Variants in IL17RD observed in about 807,000 individuals in gnomAD.
IL17RD encodes the protein interleukin-17 receptor D.
IL17RD carries 52 observed loss-of-function variants against 80.5 expected under a neutral mutation model. The observed-to-expected ratio is 0.65, with a 90% CI of 0.52 to 0.81. The LOEUF (loss-of-function observed/expected upper bound fraction) is 0.81, where lower values mean the gene tolerates loss of function less well. IL17RD is among the 40% of genes least tolerant of loss of function. The pLI, the probability that IL17RD is intolerant of heterozygous loss-of-function variation, is 0.00. For synonymous variants in IL17RD, 416 were observed against 391.8 expected (o/e 1.06, Z -0.73); for missense variants, 1,024 against 955.1 (o/e 1.07, Z -0.95).
chr3:57,098,135 TG>T lies in IL17RD; in HGVS notation c.1567del (p.Gln523SerfsTer66). The T allele has an allele frequency of 6.2e-7, 1 of 1,613,870 alleles. No homozygotes were observed. Among genetic ancestry groups the T allele is most frequent in the East Asian group, 2.2e-5 (1 of 44,866 alleles). Reference protein sequence around the residue: ...SRDHGLQEPGQHTRQGSRRNY... With the variant: ...SRDHGLQEPGXHTRQGSRRNY... ...CCTTCTGCTGCCCTGTCGCGTGTGC[TG>T]CCCCGGCTCCTGGAGGCCGTGGTCT... On this transcript the variant is annotated frameshift_variant, in exon 12 of 13. Coordinates refer to ENST00000296318, the MANE Select transcript of IL17RD (RefSeq NM_017563.5). LOFTEE classifies it high-confidence loss of function.
chr3:57,122,218 C>T (rs1707356235), intron 1 of IL17RD, among the ~76,000 whole-genome samples: 1 of 152,172 alleles, frequency 6.6e-6, no homozygotes, highest in Non-Finnish European at 1.5e-5. Context: ...ATTCCAGAAG[C>T]TTAACAAGGA....
chr3:57,141,201 C>T (rs936274455), intron 1 of IL17RD, among the ~76,000 whole-genome samples: 4 of 152,140 alleles, frequency 2.6e-5, no homozygotes, highest in East Asian at 1.9e-4. Flanking sequence ...AGCACCCAGC[C>T]GACCCTCATA....
At chr3:57,126,828 A>T (rs1204424005) in intron 1 of IL17RD, among the ~76,000 whole-genome samples, 1 of 152,014 alleles carries the variant, frequency 6.6e-6, no homozygotes, top group Admixed American at 6.6e-5. Context: ...AAGAATTGAG[A>T]AGACTTTTTT....
chr3:57,143,247 A>G (rs970419378), intron 1 of IL17RD, among the ~76,000 whole-genome samples: 2 of 152,216 alleles, frequency 1.3e-5, no homozygotes, highest in Non-Finnish European at 2.9e-5. Flanking sequence ...ACCTTACACC[A>G]GGATGGAGGC....
At position 57,096,522 on chromosome 3, in the gene IL17RD, G is replaced by C; in HGVS notation, c.2108-17C>G. 6.6e-7 allele frequency: 1 copy of C among 1,513,932 alleles called. No homozygotes were observed. Among genetic ancestry groups the C allele is most frequent in the Non-Finnish European group, 9.2e-7 (1 of 1,088,614 alleles). The allele number at this position is 1,513,932 out of a possible 1,614,324, so 93.8% of individuals were successfully genotyped here. A position where few individuals can be genotyped will look rare whatever the true frequency, so the allele number is the denominator to read the frequency against. On this transcript the variant is annotated splice_polypyrimidine_tract_variant and intron_variant, in intron 12 of 12. Coordinates refer to ENST00000296318, the MANE Select transcript of IL17RD (RefSeq NM_017563.5). Reference sequence around the variant, plus strand: ...CCTCCTCACCTAAGGAGAGAAGAGAGTACAGAGTCACACTGTCATTGCATT... The same window carrying C: ...CCTCCTCACCTAAGGAGAGAAGAGACTACAGAGTCACACTGTCATTGCATT...
chr3:57,098,459 G>C lies in IL17RD; in HGVS notation c.1244C>G (p.Ser415Cys). The change falls in exon 12 of 13, where the codon TCC (serine) becomes TGC (cysteine). Residue 415 changes from serine (S) to cysteine (C), a missense_variant. Physicochemically the swap from Ser to Cys is moderately radical, Grantham distance 112. Transcript: ENST00000296318. ...GGAACAAACCACAATGATGAACTGG[G>C]ACTCGTGGATCTTCTGGATGACCCA... ...REWVIQKIHESQFIIVVCSKG... is the reference protein window; with the variant it reads ...REWVIQKIHECQFIIVVCSKG... 6.2e-7 allele frequency: 1 copy of C among 1,613,966 alleles called. No homozygotes were observed. Among genetic ancestry groups the C allele is most frequent in the Non-Finnish European group, 8.5e-7 (1 of 1,179,878 alleles).
intron 1 of IL17RD, chr3:57,134,623 G>A: frequency 1.2e-6 from 1 of 856,806 alleles, no homozygotes; most frequent in Non-Finnish European, 2.0e-6. Context: ...AAGGCCCGCA[G>A]GTCTAAGACC....
chr3:57,104,153 A>C (rs1467449398), intron 8 of IL17RD, among the ~76,000 whole-genome samples, 189 bp downstream of exon 8: 1 of 151,854 alleles, frequency 6.6e-6, no homozygotes, highest in Non-Finnish European at 1.5e-5. Flanking sequence ...TATTTGTTTG[A>C]AATATTTAAT....
chr3:57,115,106 C>G (rs1707187700), intron 2 of IL17RD, among the ~76,000 whole-genome samples: 1 of 152,080 alleles, frequency 6.6e-6, no homozygotes, highest in Non-Finnish European at 1.5e-5. Flanking sequence ...TGTGTGTGTA[C>G]CTGGCATTAA....
intron 1 of IL17RD, among the ~76,000 whole-genome samples, chr3:57,150,785 T>A (rs1367458754): frequency 6.6e-6 from 1 of 152,156 alleles, no homozygotes; most frequent in Non-Finnish European, 1.5e-5. Flanking sequence ...AAGGGTGAGG[T>A]ACCAAATTCC....
At chr3:57,127,381 TAAATAAATAAATAA>T (rs1707513379) in intron 1 of IL17RD, among the ~76,000 whole-genome samples, 5 of 98,706 alleles carry the variant, frequency 5.1e-5, no homozygotes, top group African/African-American at 2.1e-4. Context: ...TATATATAAA[TAAATAAATAAATAA>T]ATATATATAT....
intron 1 of IL17RD, among the ~76,000 whole-genome samples, chr3:57,145,636 G>C (rs1707910390): frequency 6.6e-6 from 1 of 152,204 alleles, no homozygotes; most frequent in Admixed American, 6.5e-5. Flanking sequence ...AAGTGTCTAG[G>C]TAGCAAAAGA....
In IL17RD at chr3:57,127,303, TAAAA is replaced by T. The variant is rs1196603095; in HGVS notation, c.127-6994_127-6991del. Among the ~76,000 whole-genome samples, 41 of 87,546 alleles carry T rather than the reference TAAAA, an allele frequency of 4.7e-4. 1 individual carries two copies. The highest frequency in any genetic ancestry group is 2.0e-3 in the African/African-American group (33 of 16,318). 57.4% of individuals were successfully genotyped at this position (87,546 alleles called of 152,430 possible). A position where few individuals can be genotyped will look rare whatever the true frequency, so the allele number is the denominator to read the frequency against. The stretch of plus-strand genomic sequence containing the variant: ...ATATATAAATATATATAAATATATA[TAAAA>T]ATATATAAAAATATATATAAATATA... On this transcript the variant is annotated intron_variant, in intron 1 of 12. Coordinates refer to ENST00000296318, the MANE Select transcript of IL17RD (RefSeq NM_017563.5).
intron 1 of IL17RD, among the ~76,000 whole-genome samples, chr3:57,122,521 C>T (rs1045347938): frequency 5.9e-5 from 9 of 152,172 alleles, no homozygotes; most frequent in African/African-American, 1.9e-4. Flanking sequence ...GGAGCACAAA[C>T]CCTATTGTGA....
intron 1 of IL17RD, among the ~76,000 whole-genome samples, chr3:57,141,648 A>G (rs1707830853): frequency 6.6e-6 from 1 of 152,124 alleles, no homozygotes; most frequent in Non-Finnish European, 1.5e-5. Context: ...AATGTTATTA[A>G]TATTTGTTAT....
chr3:57,097,577 G>A lies in IL17RD; in HGVS notation c.2107+19C>T, dbSNP rs750874450. On this transcript the variant is annotated intron_variant, in intron 12 of 12. Transcript: ENST00000296318. ...CAAAGGCTGCGGCCTGTTAGGACCC[G>A]GCCCCAAAGGCACCTTACCCAGGCC... is the stretch of plus-strand genomic sequence containing the variant. 156 of 1,548,518 alleles carry A rather than the reference G, an allele frequency of 1.0e-4. No individual in the cohort carries two copies. Among genetic ancestry groups the A allele is most frequent in the Non-Finnish European group, 1.1e-4 (131 of 1,142,258 alleles).
intron 2 of IL17RD, among the ~76,000 whole-genome samples, chr3:57,119,244 C>T (rs888627674): frequency 1.3e-5 from 2 of 151,302 alleles, no homozygotes; most frequent in African/African-American, 4.9e-5. Context: ...CCCAGCTACT[C>T]GGGAGGCTGA....
chr3:57,150,200 C>G (rs1708026142), intron 1 of IL17RD: 1 of 152,224 alleles, frequency 6.6e-6, no homozygotes, highest in African/African-American at 2.4e-5. Flanking sequence ...TCAGGTGATT[C>G]TGGTGTTCAG....
intron 1 of IL17RD, among the ~76,000 whole-genome samples, chr3:57,145,854 C>T (rs1380033707): frequency 2.6e-5 from 4 of 152,200 alleles, no homozygotes; most frequent in Non-Finnish European, 5.9e-5. Context: ...GCCTGAGATG[C>T]TCTCATCACA....
Sources: allele counts gnomAD v4.1 joint callset (sites outside exome capture counted in the v4.1 genomes callset), GRCh38; gene constraint gnomAD v4.1.1; transcripts MANE v1.5; gene names NCBI Gene and HGNC (gene_info 2026-07-23, HGNC 2026-07-21).